The following PTPRT variants were observed in gnomAD, a reference collection of about 807,000 sequenced individuals.
PTPRT encodes receptor-type tyrosine-protein phosphatase T.
In PTPRT, 56 loss-of-function variants were observed where a neutral mutation model predicts 176.8. The observed-to-expected ratio is 0.32, with a 90% confidence interval of 0.26 to 0.40. The LOEUF is 0.40. Ranked by LOEUF, PTPRT falls within the 10% of genes least tolerant of loss-of-function variation. The pLI is 1.00. For synonymous variants in PTPRT, 783 were observed against 739.0 expected, an observed-to-expected ratio of 1.06 and a Z score of -0.96; for missense variants, 1,540 against 1,908.2, an observed-to-expected ratio of 0.81 and a Z score of 3.60.
intron 1 of PTPRT, among the ~76,000 whole-genome samples, chr20:42,928,776 TC>T (rs1979649108): frequency 6.6e-6 from 1 of 151,936 alleles, no homozygotes; most frequent in Non-Finnish European, 1.5e-5. Flanking sequence ...GTGAGAAACG[TC>T]CCTCCCTTCC....
At chr20:42,144,320 T>C (rs941969613) in intron 17 of PTPRT, among the ~76,000 whole-genome samples, 4 of 152,182 alleles carry the variant, frequency 2.6e-5, no homozygotes, top group African/African-American at 4.8e-5. Context: ...GTGCCTAGCA[T>C]TGAATACTGC....
chr20:42,312,010 T>A (rs2057639944), intron 12 of PTPRT, among the ~76,000 whole-genome samples: 1 of 152,178 alleles, frequency 6.6e-6, no homozygotes, highest in African/African-American at 2.4e-5. Flanking sequence ...GAATTATAGA[T>A]CCAGATTAGA....
Position 42,142,064 on chromosome 20 carries a change from T to A in PTPRT, c.2683-62A>T. ...GATAGGAGCTTTATGGAAGTGGAGA[T>A]GAACCAACAGGGCAAAGTAAGACCC... is the stretch of plus-strand genomic sequence containing the variant. On this transcript the variant is annotated intron_variant, in intron 17 of 30. Transcript: ENST00000373187. The A allele has an allele frequency of 3.5e-6, 5 of 1,440,870 alleles. No homozygotes were observed. In the South Asian group the frequency reaches 5.7e-5, roughly 16 times the overall value. 89.3% of individuals were successfully genotyped at this position (1,440,870 alleles called of 1,614,324 possible).
At chr20:42,715,716 G>C (rs906311246) in intron 6 of PTPRT, among the ~76,000 whole-genome samples, 4 of 152,120 alleles carry the variant, frequency 2.6e-5, no homozygotes, top group Admixed American at 6.5e-5. Context: ...AAAACATAAG[G>C]AACCAAGAGA....
At chr20:42,440,414 A>G (rs575297002) in intron 9 of PTPRT, among the ~76,000 whole-genome samples, 1 of 152,250 alleles carries the variant, frequency 6.6e-6, no homozygotes, top group Admixed American at 6.5e-5. Context: ...TGTGAAAGCT[A>G]CTATTTTAGG....
At chr20:42,362,184 G>A (rs1414977679) in intron 9 of PTPRT, among the ~76,000 whole-genome samples, 2 of 152,104 alleles carry the variant, frequency 1.3e-5, no homozygotes, top group African/African-American at 2.4e-5. Context: ...GGAGGATTGC[G>A]TGAGCCAGGG....
rs56381269 is a variant in PTPRT at position 42,944,883 on chromosome 20, T to C, written c.89-58951A>G. On this transcript the variant is annotated intron_variant, in intron 1 of 30. Transcript: ENST00000373187. ...ATATGCTTCATGAAGGCAAAGAATA[T>C]TGTTCATCTGAGTCGGTGTTTGTTC... 4.0e-3 allele frequency among the ~76,000 whole-genome samples: 610 copies of C among 152,246 alleles called. 2 individuals are homozygous for C. Among genetic ancestry groups the C allele is most frequent in the African/African-American group, 0.014 (583 of 41,546 alleles).
At chr20:42,063,909 A>C in the PTPRT span, 27 of 152,274 alleles carry the variant, frequency 1.8e-4, no homozygotes, top group South Asian at 5.6e-3. Flanking sequence ...AAGCAAATGA[A>C]TAATATGAAC....
At chr20:42,627,099 A>G (rs182417323) in intron 7 of PTPRT, among the ~76,000 whole-genome samples, 15 of 152,302 alleles carry the variant, frequency 9.8e-5, no homozygotes, top group African/African-American at 3.1e-4. Context: ...GACCGGGCAC[A>G]TCTAGGAGAT....
intron 1 of PTPRT, among the ~76,000 whole-genome samples, chr20:42,923,006 C>T (rs756095066): frequency 3.9e-5 from 6 of 152,034 alleles, no homozygotes; most frequent in African/African-American, 9.7e-5. Context: ...GGCTACTTTG[C>T]GAATGGTCTT....
intron 6 of PTPRT, among the ~76,000 whole-genome samples, chr20:42,732,902 T>G (rs2076483622): frequency 6.6e-6 from 1 of 152,226 alleles, no homozygotes; most frequent in Non-Finnish European, 1.5e-5. Flanking sequence ...CCTGGATACT[T>G]ATCTCCTGGC....
At chr20:42,331,018 T>A (rs968085731) in intron 11 of PTPRT, among the ~76,000 whole-genome samples, 1 of 152,200 alleles carries the variant, frequency 6.6e-6, no homozygotes, top group African/African-American at 2.4e-5. Context: ...ACTGGAAAGC[T>A]TGCTGGTTTT....
At chr20:43,116,896 C>G (rs2013082024) in intron 1 of PTPRT, among the ~76,000 whole-genome samples, 1 of 152,116 alleles carries the variant, frequency 6.6e-6, no homozygotes, top group Non-Finnish European at 1.5e-5. Context: ...ACACTGGCAC[C>G]AAGCCCAGTG....
At chr20:42,321,860 G>C (rs1447442582) in intron 11 of PTPRT, among the ~76,000 whole-genome samples, 2 of 152,130 alleles carry the variant, frequency 1.3e-5, no homozygotes, top group Non-Finnish European at 1.5e-5. Context: ...AAGGCGGGTG[G>C]ATCATGAGGT....
chr20:42,424,631 T>C (rs1052390319), intron 9 of PTPRT, among the ~76,000 whole-genome samples: 1 of 152,084 alleles, frequency 6.6e-6, no homozygotes, highest in Non-Finnish European at 1.5e-5. Flanking sequence ...TCACTGTCTA[T>C]GAGGATGGAT....
chr20:42,213,089 G>T (rs867047504), intron 15 of PTPRT, among the ~76,000 whole-genome samples: 20 of 152,168 alleles, frequency 1.3e-4, no homozygotes, highest in African/African-American at 4.6e-4. Context: ...TCCAAGTGTG[G>T]TTTCCCTGGA....
intron 1 of PTPRT, among the ~76,000 whole-genome samples, chr20:43,007,539 G>T (rs2146143540): frequency 6.6e-6 from 1 of 152,278 alleles, no homozygotes; most frequent in African/African-American, 2.4e-5. Flanking sequence ...TACGGATTTT[G>T]CTTATCCAGC....
chr20:42,912,528 T>C (rs1199113131), intron 1 of PTPRT, among the ~76,000 whole-genome samples: 2 of 152,218 alleles, frequency 1.3e-5, no homozygotes, highest in African/African-American at 4.8e-5. Context: ...TTGGTACATG[T>C]ACATTGTTGA....
chr20:42,192,955 C>G (rs1045505855), intron 16 of PTPRT, among the ~76,000 whole-genome samples: 4 of 152,134 alleles, frequency 2.6e-5, no homozygotes, highest in Non-Finnish European at 5.9e-5. Flanking sequence ...AATAGAGGAA[C>G]CAGTAAGAAG....
Sources: allele counts gnomAD v4.1 joint callset (sites outside exome capture counted in the v4.1 genomes callset), GRCh38; gene constraint gnomAD v4.1.1; transcripts MANE v1.5; gene names NCBI Gene and HGNC (gene_info 2026-07-23, HGNC 2026-07-21).